PRKDC: variants seen among roughly 807,000 people sequenced by gnomAD.
PRKDC encodes protein kinase, DNA-activated, catalytic subunit.
Under a neutral mutation model 486.9 loss-of-function variants are expected in PRKDC, and 82 were observed. That is an observed-to-expected ratio of 0.17 (90% CI 0.14 to 0.20). The LOEUF (loss-of-function observed/expected upper bound fraction) is 0.20, where lower values mean the gene tolerates loss of function less well. Ranked by LOEUF, PRKDC falls within the 10% of genes least tolerant of loss-of-function variation. The probability of loss-of-function intolerance (pLI) is 1.00; values close to 1 mark genes in which losing one functional copy is unlikely to be tolerated. For missense variants in PRKDC, 4,504 were observed against 5,038.2 expected, an observed-to-expected ratio of 0.89 and a Z score of 3.21; for synonymous variants, 1,895 against 1,837.0, an observed-to-expected ratio of 1.03 and a Z score of -0.81.
chr8:47,914,413 C>G (rs1454569598), intron 23 of PRKDC, among the ~76,000 whole-genome samples: 1 of 152,100 alleles, frequency 6.6e-6, no homozygotes, highest in African/African-American at 2.4e-5. Context: ...CAGGCTCTAA[C>G]TCCCTAAATA....
intron 58 of PRKDC, among the ~76,000 whole-genome samples, chr8:47,835,620 CAAAAAAAAAAAAAAAAAA>C (rs71548446): frequency 9.8e-5 from 2 of 20,484 alleles, no homozygotes; most frequent in South Asian, 2.8e-3. Flanking sequence ...GACTCTGTCT[CAAAAAAAAAAAAAAAAAA>C]AAAAAAAAAA....
At position 47,898,509 on chromosome 8, in the gene PRKDC, T is replaced by A. The variant is rs1175986159; in HGVS notation, c.3425A>T (p.His1142Leu). ...TTTCTTTGCTTTATTTAAAGAAACA[T>A]GCTTCTTTTCAATGATGCGGCATAG... ...DHLCRIIEKKHVSLNKAKKRR... is the reference protein window; with the variant it reads ...DHLCRIIEKKLVSLNKAKKRR... The change falls in exon 29 of 86, where the codon CAT becomes CTT. Residue 1142 changes from histidine to leucine, a missense_variant. His to Leu is a moderately conservative substitution (Grantham distance 99). Around this residue, in one of 6 missense-constraint regions of PRKDC, gnomAD observed 1,969 missense variants for 2,068.9 expected, o/e 0.95. Coordinates refer to ENST00000314191, the MANE Select transcript of PRKDC (RefSeq NM_006904.7). The A allele has an allele frequency of 6.4e-7, 1 of 1,565,120 alleles. No homozygotes were observed. Among genetic ancestry groups the A allele is most frequent in the East Asian group, 2.3e-5 (1 of 43,630 alleles).
intron 37 of PRKDC, 98 bp downstream of exon 37, chr8:47,881,814 A>G: frequency 9.2e-7 from 1 of 1,091,152 alleles, no homozygotes; most frequent in Non-Finnish European, 1.3e-6. Context: ...TATTTGTCAA[A>G]CCAATGAGCT....
At chr8:47,950,625 G>GAAA (rs1208107553) in intron 7 of PRKDC, among the ~76,000 whole-genome samples, 1 of 77,792 alleles carries the variant, frequency 1.3e-5, no homozygotes, top group Non-Finnish European at 2.7e-5. Context: ...CAAGACTCCG[G>GAAA]AAAAAAAAAA....
intron 63 of PRKDC, among the ~76,000 whole-genome samples, chr8:47,824,778 A>G (rs2087695360): frequency 6.6e-6 from 1 of 152,170 alleles, no homozygotes; most frequent in Non-Finnish European, 1.5e-5. Context: ...TGATATTCTC[A>G]AAGTGTTTAT....
chr8:47,824,059 T>C (rs2087670413), intron 63 of PRKDC, 63 bp from the exon 64 acceptor site: 1 of 1,362,592 alleles, frequency 7.3e-7, no homozygotes, highest in Admixed American at 2.8e-5. Context: ...GTATTTATTC[T>C]AATGAAATGA....
intron 32 of PRKDC, among the ~76,000 whole-genome samples, chr8:47,889,733 C>A (rs772063118): frequency 6.6e-6 from 1 of 152,200 alleles, no homozygotes; most frequent in African/African-American, 2.4e-5. Context: ...TTAGAAAAAA[C>A]TATTTTATAT....
intron 80 of PRKDC, among the ~76,000 whole-genome samples, chr8:47,779,611 ATGG>A (rs1477564416): frequency 1.3e-4 from 20 of 152,150 alleles, no homozygotes; most frequent in South Asian, 1.0e-3. Context: ...TTTTTTTGAG[ATGG>A]GAGTCTAGCT....
intron 39 of PRKDC, among the ~76,000 whole-genome samples, chr8:47,878,108 T>G (rs980463235): frequency 6.7e-6 from 1 of 148,404 alleles, no homozygotes; most frequent in Non-Finnish European, 1.5e-5. Flanking sequence ...TTTAGGTTTT[T>G]TTTTTTTTTT....
chr8:47,870,262 C>G (rs990393287), intron 40 of PRKDC, among the ~76,000 whole-genome samples: 4 of 152,202 alleles, frequency 2.6e-5, no homozygotes, highest in African/African-American at 9.6e-5. Flanking sequence ...TGCTTCAGGT[C>G]TGACCTCATG....
At chr8:47,923,213 G>A (rs544099820) in intron 21 of PRKDC, among the ~76,000 whole-genome samples, 12 of 152,080 alleles carry the variant, frequency 7.9e-5, no homozygotes, top group South Asian at 4.2e-4. Context: ...ACAGGTGTGC[G>A]CCATCATGCC....
intron 25 of PRKDC, among the ~76,000 whole-genome samples, chr8:47,908,359 C>G (rs1055391500): frequency 6.6e-6 from 1 of 152,152 alleles, no homozygotes; most frequent in African/African-American, 2.4e-5. Flanking sequence ...AAAATCTGAT[C>G]TCTTCAGTAG....
chr8:47,819,518 A>G lies in PRKDC; in HGVS notation c.9337-8T>C. 1.5e-6 allele frequency: 2 copies of G among 1,357,036 alleles called. No homozygotes were observed. The highest frequency in any genetic ancestry group is 2.0e-6 in the Non-Finnish European group (2 of 1,004,070). The allele number at this position is 1,357,036 out of a possible 1,614,324, so 84.1% of individuals were successfully genotyped here. On this transcript the variant is annotated splice_region_variant and splice_polypyrimidine_tract_variant and intron_variant, in intron 66 of 85. Coordinates refer to ENST00000314191, the MANE Select transcript of PRKDC (RefSeq NM_006904.7). ...ATCAATACTAGAATAATTCTTAAAA[A>G]AAAAAAAAAAAAAAAAGGGCATTTA...
intron 67 of PRKDC, among the ~76,000 whole-genome samples, chr8:47,818,560 CAG>C (rs1337567199): frequency 2.8e-5 from 3 of 108,354 alleles, no homozygotes; most frequent in African/African-American, 3.8e-5. Flanking sequence ...GCCTGCGAAA[CAG>C]AGTGAGACTC....
rs1357683088 is a variant in PRKDC at position 47,871,884 on chromosome 8, C to T, written c.5363+5840G>A. On this transcript the variant is annotated intron_variant, in intron 40 of 85. Coordinates refer to ENST00000314191, the MANE Select transcript of PRKDC (RefSeq NM_006904.7). Reference sequence around the variant, plus strand: ...GGGATTACAGGCGTGAGCCACCACGCCTGGCCAGGAGTTCTTTAATATGAA... The same window carrying T: ...GGGATTACAGGCGTGAGCCACCACGTCTGGCCAGGAGTTCTTTAATATGAA... Among the ~76,000 whole-genome samples, 4 of 152,260 alleles carry T rather than the reference C, an allele frequency of 2.6e-5. No individual in the cohort carries two copies. The East Asian group carries it at 7.7e-4, about 29-fold the overall frequency.
intron 52 of PRKDC, among the ~76,000 whole-genome samples, chr8:47,850,777 T>C (rs576129294): frequency 2.0e-5 from 3 of 152,278 alleles, no homozygotes; most frequent in Admixed American, 1.3e-4. Context: ...CTGAGGGACA[T>C]TGCGTGGGAA....
intron 54 of PRKDC, among the ~76,000 whole-genome samples, chr8:47,841,263 G>A (rs1466403162): frequency 6.6e-5 from 10 of 152,184 alleles, no homozygotes; most frequent in African/African-American, 2.4e-4. Context: ...GTGTGGAGCA[G>A]CTCCAGCAAA....
chr8:47,824,685 A>T (rs1246829213), intron 63 of PRKDC, among the ~76,000 whole-genome samples: 2 of 152,176 alleles, frequency 1.3e-5, no homozygotes, highest in Non-Finnish European at 2.9e-5. Context: ...TCTATGGACC[A>T]TCTCAATTTG....
At chr8:47,809,364 T>C (rs550020616) in intron 68 of PRKDC, among the ~76,000 whole-genome samples, 1 of 152,260 alleles carries the variant, frequency 6.6e-6, no homozygotes, top group Admixed American at 6.5e-5. Flanking sequence ...TTTTTAATCA[T>C]AAAAATAAAT....
Sources: allele counts gnomAD v4.1 joint callset (sites outside exome capture counted in the v4.1 genomes callset), GRCh38; gene constraint gnomAD v4.1.1; regional missense constraint gnomAD v4.1.1; transcripts MANE v1.5; gene names NCBI Gene and HGNC (gene_info 2026-07-23, HGNC 2026-07-21).